The following TMEM63A variants were observed in gnomAD, a reference collection of about 807,000 sequenced individuals.
TMEM63A encodes transmembrane protein 63A.
TMEM63A carries 76 observed loss-of-function variants against 100.6 expected under a neutral mutation model. The ratio of observed to expected loss-of-function variants is 0.76; its 90% CI spans 0.63 to 0.91. The LOEUF is 0.91. Ranked by LOEUF, TMEM63A falls within the 40% of genes least tolerant of loss-of-function variation. TMEM63A has a pLI of 0.00. For missense variants in TMEM63A, 876 were observed against 1,008.8 expected, an observed-to-expected ratio of 0.87 and a Z score of 1.78; for synonymous variants, 401 against 401.1, an observed-to-expected ratio of 1.00 and a Z score of 0.00.
At chr1:225,859,649 G>GTTTT (rs57486744) in intron 14 of TMEM63A, 7,775 of 268,016 alleles carry the variant, frequency 0.029, 154 homozygotes, top group East Asian at 0.094. Context: ...TTCTTTTTCT[G>GTTTT]TTTTTTTTTT....
chr1:225,848,601 T>G (rs2102811841), intron 22 of TMEM63A, 47 bp from the exon 23 acceptor site: 2 of 1,597,572 alleles, frequency 1.3e-6, no homozygotes, highest in East Asian at 4.5e-5. Flanking sequence ...AACTGATCTC[T>G]GTGAACAAAC....
At chr1:225,866,201 G>A (rs1297375577) in intron 9 of TMEM63A, 8 of 555,174 alleles carry the variant, frequency 1.4e-5, no homozygotes, top group South Asian at 4.1e-5. Flanking sequence ...TCTTTGCATG[G>A]CAGGAGACTG....
intron 6 of TMEM63A, among the ~76,000 whole-genome samples, chr1:225,870,277 G>A (rs11586999): frequency 0.15 from 22,390 of 151,758 alleles, 2,175 homozygotes; most frequent in East Asian, 0.4. Flanking sequence ...GCTTGAACCC[G>A]GGAGGCGGAG....
At chr1:225,841,085 T>C (rs1301385774), downstream of TMEM63A, 2 of 152,160 alleles carry the variant, frequency 1.3e-5, no homozygotes, top group African/African-American at 4.8e-5. Flanking sequence ...TACGTCCATA[T>C]CACCAACATG....
At chr1:225,849,824 C>T in intron 21 of TMEM63A, 88 bp downstream of exon 21, 1 of 1,499,566 alleles carries the variant, frequency 6.7e-7, no homozygotes, top group Non-Finnish European at 9.1e-7. Context: ...CATGCTGATG[C>T]TGTGAAAGCA....
intron 3 of TMEM63A, among the ~76,000 whole-genome samples, chr1:225,874,974 T>C (rs1034567386): frequency 6.6e-6 from 1 of 152,186 alleles, no homozygotes; most frequent in Non-Finnish European, 1.5e-5. Flanking sequence ...CCTCAGGTGA[T>C]CCACCTGCCT....
In TMEM63A at chr1:225,856,545, T is replaced by C. The variant is rs529660343; in HGVS notation, c.1571+107A>G. 549 of 1,118,116 alleles carry C rather than the reference T, an allele frequency of 4.9e-4. 1 individual carries two copies. The highest frequency in any genetic ancestry group is 6.4e-4 in the Non-Finnish European group (483 of 754,802). The allele number at this position is 1,118,116 out of a possible 1,614,324, so 69.3% of individuals were successfully genotyped here. A position where few individuals can be genotyped will look rare whatever the true frequency, so the allele number is the denominator to read the frequency against. ...GAGTGGTTGCGACAGGCTTAGATATTGTTAGAGGTTTGCTTCTGCTGCCAA... is the reference window on the plus strand; with the variant it reads ...GAGTGGTTGCGACAGGCTTAGATATCGTTAGAGGTTTGCTTCTGCTGCCAA... On this transcript the variant is annotated intron_variant, in intron 17 of 24. Transcript: ENST00000366835.
At chr1:225,874,261 C>T in intron 4 of TMEM63A, 27 bp downstream of exon 4, 1 of 1,608,810 alleles carries the variant, frequency 6.2e-7, no homozygotes, top group African/African-American at 1.3e-5. Flanking sequence ...CACACGCATG[C>T]TCACAGCCTA....
chr1:225,882,120 G>C (rs1324474600), intron 1 of TMEM63A, among the ~76,000 whole-genome samples, 184 bp downstream of exon 1: 1 of 152,250 alleles, frequency 6.6e-6, no homozygotes, highest in Non-Finnish European at 1.5e-5. Flanking sequence ...GCGCAGGGCT[G>C]GAATGGAGGC....
At position 225,877,570 on chromosome 1, in the gene TMEM63A, G is replaced by T. The variant is rs147318694; in HGVS notation, c.11C>A (p.Ser4Tyr). ...GGACTGCCACAGCTCCAGGAACGGG[G>T]AGTCCATCATCGCGCCTGTCTTCCC... is the stretch of plus-strand genomic sequence containing the variant. The part of the protein sequence containing the change: MMD[S>Y]PFLELWQSKA... The change falls in exon 3 of 25, where the codon TCC becomes TAC. Residue 4 changes from serine (S) to tyrosine (Y), a missense_variant. By Grantham distance (144) the Ser-to-Tyr change is moderately radical (BLOSUM62 -2). Around this residue, in one of 5 missense-constraint regions of TMEM63A, gnomAD observed 43 missense variants for 48.9 expected, o/e 0.88. Coordinates refer to ENST00000366835, the MANE Select transcript of TMEM63A (RefSeq NM_014698.3). The T allele has an allele frequency of 1.9e-6, 3 of 1,613,390 alleles. No individual in the cohort carries two copies. In the African/African-American group the frequency reaches 4.0e-5, roughly 22 times the overall value.
intron 15 of TMEM63A, among the ~76,000 whole-genome samples, chr1:225,858,318 G>GTTTTT (rs67373815): frequency 1.7e-4 from 12 of 70,106 alleles, no homozygotes; most frequent in Non-Finnish European, 3.0e-4. Flanking sequence ...AGAATAGTTT[G>GTTTTT]TTTTTTTTTT....
chr1:225,842,309 C>T (rs1668493295), downstream of TMEM63A: 6 of 1,304,066 alleles, frequency 4.6e-6, no homozygotes, highest in Non-Finnish European at 6.7e-6. Flanking sequence ...ACACCTGAAG[C>T]TCCAGCTCTC....
intron 3 of TMEM63A, among the ~76,000 whole-genome samples, chr1:225,876,639 CTTTT>C (rs376473268): frequency 2.9e-5 from 3 of 104,638 alleles, no homozygotes; most frequent in African/African-American, 8.3e-5. Context: ...GCTTCTAATT[CTTTT>C]TTTTGTTTTT....
At chr1:225,849,361 C>A (rs1268906254) in intron 21 of TMEM63A, among the ~76,000 whole-genome samples, 1 of 152,182 alleles carries the variant, frequency 6.6e-6, no homozygotes, top group Non-Finnish European at 1.5e-5. Flanking sequence ...CCCTCCCACA[C>A]CCCCAGTCTG....
At position 225,862,256 on chromosome 1, in the gene TMEM63A, C is replaced by T. The variant is rs1224561892; in HGVS notation, c.1047G>A (p.Met349Ile). Residue 349 changes from methionine (M) to isoleucine (I), a missense_variant, in exon 13 of 25, where the codon ATG becomes ATA. By Grantham distance (10) the Met-to-Ile change is conservative. Transcript: ENST00000366835. The surrounding 1 kb of genome is among the most constrained non-coding windows in gnomAD (Gnocchi z 5.1). ...ACTTCTCCTGGAAGGTGACGAAGGC[C>T]ATTCCCAGGGGCTGGTCCTGGACGT... ...ERHVQDQPLG[M>I]AFVTFQEKSM... is the part of the protein sequence containing the mutation. The T allele has an allele frequency of 2.5e-6, 4 of 1,614,048 alleles. No individual in the cohort carries two copies. Among genetic ancestry groups the T allele is most frequent in the Non-Finnish European group, 3.4e-6 (4 of 1,180,046 alleles).
intron 6 of TMEM63A, among the ~76,000 whole-genome samples, chr1:225,869,683 A>C (rs1378604117): frequency 1.0e-4 from 1 of 9,834 alleles, no homozygotes; most frequent in Non-Finnish European, 2.7e-4. Flanking sequence ...TTTTTTTTTG[A>C]GACAGTTTTG....
chr1:225,871,264 AC>A (rs1485384943), intron 5 of TMEM63A, 151 bp from the exon 6 acceptor site: 66 of 732,786 alleles, frequency 9.0e-5, no homozygotes, highest in South Asian at 6.6e-4. Context: ...TGAGCCCAGT[AC>A]TTCACAATAT....
intron 20 of TMEM63A, among the ~76,000 whole-genome samples, chr1:225,850,477 T>C (rs1377876375): frequency 6.6e-6 from 1 of 152,190 alleles, no homozygotes; most frequent in Non-Finnish European, 1.5e-5. Context: ...TTTACCTAAA[T>C]AGCTTGTTTA....
chr1:225,864,397 G>C (rs1178809915), intron 10 of TMEM63A: 14 of 152,190 alleles, frequency 9.2e-5, no homozygotes, highest in Admixed American at 9.2e-4. Flanking sequence ...TGCAATTTAA[G>C]CATCCCTGCT....
Sources: gnomAD v4.1 joint callset for allele counts (sites outside exome capture counted in the v4.1 genomes callset) on GRCh38, gnomAD v4.1.1 for gene constraint, gnomAD v4.1.1 regional missense constraint, Gnocchi (gnomAD v3.1) non-coding constraint, MANE v1.5 for transcripts, NCBI Gene and HGNC (gene_info 2026-07-23, HGNC 2026-07-21) for gene names.